CHN1: variants seen among roughly 807,000 people sequenced by gnomAD.
CHN1 encodes N-chimaerin.
A neutral mutation model predicts 59.5 loss-of-function variants in CHN1; 37 were observed. The ratio of observed to expected loss-of-function variants is 0.62; its 90% CI spans 0.48 to 0.82. The LOEUF (loss-of-function observed/expected upper bound fraction) is 0.82. Among genes scored for constraint, CHN1 ranks in the 40% least tolerant of loss-of-function variants. CHN1 has a pLI of 0.00. For synonymous variants in CHN1, 206 were observed against 200.4 expected, an observed-to-expected ratio of 1.03 and a Z score of -0.24; for missense variants, 469 against 571.0, an observed-to-expected ratio of 0.82 and a Z score of 1.82.
Position 174,916,245 on chromosome 2 carries a change from A to G in CHN1, c.147-1074T>C, listed in dbSNP as rs189517703. 2.0e-3 allele frequency among the ~76,000 whole-genome samples: 304 copies of G among 152,194 alleles called. 1 individual carries two copies. The highest frequency in any genetic ancestry group is 7.0e-3 in the African/African-American group (292 of 41,524). Reference sequence around the variant, plus strand: ...GTAAATGGCCAGAAACTTCCCTCCCATTCCCCTGTTATGATGGTATACAAA... The same window carrying G: ...GTAAATGGCCAGAAACTTCCCTCCCGTTCCCCTGTTATGATGGTATACAAA... On this transcript the variant is annotated intron_variant, in intron 4 of 12. Coordinates refer to ENST00000409900, the MANE Select transcript of CHN1 (RefSeq NM_001822.7).
intron 1 of CHN1, among the ~76,000 whole-genome samples, chr2:174,993,085 T>G (rs1411824418): frequency 6.6e-6 from 1 of 152,140 alleles, no homozygotes; most frequent in Non-Finnish European, 1.5e-5. Flanking sequence ...CCACCACACC[T>G]GGCTCCAATC....
intron 11 of CHN1, among the ~76,000 whole-genome samples, chr2:174,804,678 G>C (rs1465400409): frequency 2.0e-5 from 3 of 152,198 alleles, no homozygotes; most frequent in African/African-American, 7.2e-5. Flanking sequence ...ATGAGAAACA[G>C]AAGAATCATG....
At chr2:174,924,044 TACCCTA>T (rs1689094507) in intron 3 of CHN1, among the ~76,000 whole-genome samples, 2 of 152,184 alleles carry the variant, frequency 1.3e-5, no homozygotes, top group Non-Finnish European at 2.9e-5. Flanking sequence ...CACAATATAC[TACCCTA>T]AAACATGCTA....
In CHN1 at chr2:174,980,547, T is replaced by C. The variant is rs147665614; in HGVS notation, c.19+24347A>G. Reference sequence around the variant, plus strand: ...AACATGCATTATTGGTTAAAAACAATTCTTCAATTCCTAATTGAAGAATTA... The same window carrying C: ...AACATGCATTATTGGTTAAAAACAACTCTTCAATTCCTAATTGAAGAATTA... On this transcript the variant is annotated intron_variant, in intron 1 of 12. Coordinates refer to ENST00000409900, the MANE Select transcript of CHN1 (RefSeq NM_001822.7). Among the ~76,000 whole-genome samples the C allele has an allele frequency of 8.5e-4, 130 of 152,300 alleles. 5 individuals are homozygous for C. The East Asian group carries it at 0.023, about 28-fold the overall frequency.
chr2:174,811,297 T>C, intron 10 of CHN1: 1 of 473,696 alleles, frequency 2.1e-6, no homozygotes. Flanking sequence ...ATTGGTAACA[T>C]AGTTTAATTT....
intron 5 of CHN1, among the ~76,000 whole-genome samples, chr2:174,897,311 T>A (rs1340190854): frequency 6.6e-6 from 1 of 152,194 alleles, no homozygotes; most frequent in African/African-American, 2.4e-5. Context: ...TTTTGTATTT[T>A]GGCAGAGCAG....
At chr2:174,867,508 A>C (rs1687262802) in intron 6 of CHN1, among the ~76,000 whole-genome samples, 1 of 152,186 alleles carries the variant, frequency 6.6e-6, no homozygotes, top group African/African-American at 2.4e-5. Flanking sequence ...TTTCTACTCC[A>C]ATTTCCTCAT....
chr2:174,919,842 T>C (rs1197141155), intron 3 of CHN1, among the ~76,000 whole-genome samples: 8 of 152,120 alleles, frequency 5.3e-5, no homozygotes, highest in African/African-American at 1.2e-4. Flanking sequence ...TTATTAACTA[T>C]AGTCACTAAG....
At chr2:175,003,561 T>C (rs1691957337) in intron 1 of CHN1, among the ~76,000 whole-genome samples, 1 of 152,202 alleles carries the variant, frequency 6.6e-6, no homozygotes, top group Non-Finnish European at 1.5e-5. Flanking sequence ...AAAATGTTTG[T>C]ACCAAAAAGG....
At chr2:174,828,731 G>A (rs765210549) in intron 7 of CHN1, among the ~76,000 whole-genome samples, 2 of 152,218 alleles carry the variant, frequency 1.3e-5, no homozygotes, top group Non-Finnish European at 2.9e-5. Context: ...GTTGCAGGAT[G>A]CTAAGGAAGA....
At chr2:174,836,456 T>G (rs1686084885) in intron 7 of CHN1, among the ~76,000 whole-genome samples, 1 of 152,200 alleles carries the variant, frequency 6.6e-6, no homozygotes, top group Admixed American at 6.5e-5. Flanking sequence ...AAAATAAGAT[T>G]AACTTAATCA....
chr2:174,973,976 T>C (rs539859270), intron 1 of CHN1, among the ~76,000 whole-genome samples: 2 of 152,324 alleles, frequency 1.3e-5, no homozygotes, highest in South Asian at 2.1e-4. Context: ...TATGAACATA[T>C]GTAAACAGAA....
intron 7 of CHN1, among the ~76,000 whole-genome samples, chr2:174,840,855 G>A (rs1558947262): frequency 6.6e-6 from 1 of 152,084 alleles, no homozygotes; most frequent in Admixed American, 6.5e-5. Context: ...GAATGAGGAA[G>A]ACAAAACATG....
chr2:174,984,236 C>T (rs1488406832), intron 1 of CHN1, among the ~76,000 whole-genome samples: 1 of 152,022 alleles, frequency 6.6e-6, no homozygotes, highest in Non-Finnish European at 1.5e-5. Context: ...GTGTATATCC[C>T]TTACATCTGC....
chr2:174,961,030 G>GC (rs1407471034), intron 1 of CHN1, among the ~76,000 whole-genome samples: 2 of 150,322 alleles, frequency 1.3e-5, no homozygotes, highest in Non-Finnish European at 3.0e-5. Flanking sequence ...CAGGAAACTG[G>GC]GGTGGAAGGA....
chr2:174,848,130 G>A (rs1396903913), intron 6 of CHN1, among the ~76,000 whole-genome samples: 1 of 152,178 alleles, frequency 6.6e-6, no homozygotes, highest in African/African-American at 2.4e-5. Flanking sequence ...GCTTGCAGTG[G>A]TCAGTTTTGT....
At chr2:174,812,045 T>TC (rs1424775233) in intron 9 of CHN1, 7 of 344,210 alleles carry the variant, frequency 2.0e-5, no homozygotes, top group African/African-American at 1.5e-4. Flanking sequence ...TCTTTACCTG[T>TC]CAACTTTTGC....
intron 6 of CHN1, among the ~76,000 whole-genome samples, chr2:174,851,661 G>T (rs1160193124): frequency 6.6e-6 from 1 of 152,148 alleles, no homozygotes; most frequent in African/African-American, 2.4e-5. Flanking sequence ...GGAACGGGCA[G>T]ATTCCACAAT....
chr2:174,953,729 T>A (rs1342400239), intron 1 of CHN1, among the ~76,000 whole-genome samples: 1 of 151,896 alleles, frequency 6.6e-6, no homozygotes, highest in African/African-American at 2.4e-5. Context: ...GGAATACACA[T>A]AACCAAGGAG....
Sources: gnomAD v4.1 joint callset for allele counts (sites outside exome capture counted in the v4.1 genomes callset) on GRCh38, gnomAD v4.1.1 for gene constraint, MANE v1.5 for transcripts, NCBI Gene and HGNC (gene_info 2026-07-23, HGNC 2026-07-21) for gene names.